TNRC6C: variants seen among roughly 807,000 people sequenced by gnomAD.
The protein encoded by TNRC6C is trinucleotide repeat containing adaptor 6C, also known as trinucleotide repeat-containing gene 6C protein.
TNRC6C carries 20 observed loss-of-function variants against 153.7 expected under a neutral mutation model. The observed-to-expected ratio is 0.13, with a 90% CI of 0.09 to 0.19. TNRC6C has a LOEUF of 0.19. Ranked by LOEUF, TNRC6C falls within the 10% of genes least tolerant of loss-of-function variation. The probability of loss-of-function intolerance (pLI) is 1.00; values close to 1 mark genes in which losing one functional copy is unlikely to be tolerated. For missense variants in TNRC6C, 1,987 were observed against 2,172.0 expected (o/e 0.91, Z 1.69); for synonymous variants, 811 against 841.4 (o/e 0.96, Z 0.63).
At chr17:78,040,811 G>A (rs191612102) in intron 2 of TNRC6C, among the ~76,000 whole-genome samples, 18 of 152,320 alleles carry the variant, frequency 1.2e-4, no homozygotes, top group African/African-American at 4.3e-4. Context: ...GATAATCAAA[G>A]CTGTAAAATC....
intron 1 of TNRC6C, among the ~76,000 whole-genome samples, chr17:77,966,225 A>G (rs375323490): frequency 2.4e-4 from 36 of 152,218 alleles, no homozygotes; most frequent in Non-Finnish European, 1.9e-4. Context: ...TGTGTTGGCA[A>G]TAAGGTTTAG....
At chr17:78,073,809 A>G (rs530276054) in intron 7 of TNRC6C, among the ~76,000 whole-genome samples, 2 of 152,184 alleles carry the variant, frequency 1.3e-5, no homozygotes, top group South Asian at 2.1e-4. Flanking sequence ...AGGGTGTAAC[A>G]TTTTTCTGAC....
chr17:78,093,714 C>G, exon 16 of TNRC6C: 2 of 1,613,918 alleles, frequency 1.2e-6, no homozygotes, highest in Middle Eastern at 1.6e-4. Flanking sequence ...CTGGGCCTAC[C>G]ATCAACACCA....
At chr17:78,041,118 G>GT (rs2072284795) in intron 2 of TNRC6C, 1 of 152,348 alleles carries the variant, frequency 6.6e-6, no homozygotes, top group Non-Finnish European at 1.5e-5. Context: ...CCGTCTGCAG[G>GT]TATTTCCTCA....
At chr17:78,069,959 C>A (rs1319027213) in intron 5 of TNRC6C, among the ~76,000 whole-genome samples, 1 of 152,168 alleles carries the variant, frequency 6.6e-6, no homozygotes, top group Non-Finnish European at 1.5e-5. Context: ...TTCGAGAGAA[C>A]AGGAACTAAG....
At chr17:77,994,462 A>ATGGCTCCTGAAAC (rs2071297772) in intron 1 of TNRC6C, among the ~76,000 whole-genome samples, 1 of 152,188 alleles carries the variant, frequency 6.6e-6, no homozygotes, top group Admixed American at 6.5e-5. Context: ...AGTTAGTTTA[A>ATGGCTCCTGAAAC]TGGCTCCTGA....
At chr17:78,032,039 A>ACAATATT (rs2072086131) in intron 2 of TNRC6C, among the ~76,000 whole-genome samples, 197 bp downstream of exon 4, 1 of 152,192 alleles carries the variant, frequency 6.6e-6, no homozygotes, top group Non-Finnish European at 1.5e-5. Flanking sequence ...ATTGGTCATG[A>ACAATATT]GTTTGCAGAT....
chr17:77,973,455 A>G (rs1400326147), intron 1 of TNRC6C, among the ~76,000 whole-genome samples: 2 of 152,256 alleles, frequency 1.3e-5, no homozygotes, highest in Non-Finnish European at 2.9e-5. Flanking sequence ...TATCAGTTCA[A>G]TGCTATTCAG....
intron 5 of TNRC6C, among the ~76,000 whole-genome samples, chr17:78,070,170 T>G (rs920212597): frequency 1.3e-5 from 2 of 152,240 alleles, no homozygotes; most frequent in South Asian, 2.1e-4. Context: ...CTTTTTACAG[T>G]TGGGCTGGCA....
Position 78,071,246 on chromosome 17 carries a change from ATG to A in TNRC6C, c.2859+87_2859+88del, listed in dbSNP as rs1450668049. 4 of 1,381,436 alleles carry A rather than the reference ATG, an allele frequency of 2.9e-6. No individual in the cohort carries two copies. In the African/African-American group the frequency reaches 4.3e-5, roughly 15 times the overall value. 85.6% of individuals were successfully genotyped at this position (1,381,436 alleles called of 1,614,324 possible). On this transcript the variant is annotated intron_variant, in intron 6 of 19. Transcript: ENST00000301624. Reference sequence around the variant, plus strand: ...TCATTGTTTCCTCTCCATGTTTGTTATGTGTGTCAGAAGACACCAAGATTGTT... The same window carrying A: ...TCATTGTTTCCTCTCCATGTTTGTTATGTGTCAGAAGACACCAAGATTGTT...
exon 20 of TNRC6C, chr17:78,105,938 A>T (rs554986724): frequency 6.6e-6 from 1 of 152,266 alleles, no homozygotes; most frequent in South Asian, 2.1e-4. Flanking sequence ...TACAGTGTAT[A>T]TCTCTGGAGA....
chr17:78,090,259 A>C (rs1441696027), intron 13 of TNRC6C, among the ~76,000 whole-genome samples: 2 of 152,194 alleles, frequency 1.3e-5, no homozygotes, highest in South Asian at 2.1e-4. Flanking sequence ...GGTTGGCCCC[A>C]GTAGCACCTG....
At chr17:78,064,381 G>T (rs1396636847) in intron 3 of TNRC6C, among the ~76,000 whole-genome samples, 1 of 152,136 alleles carries the variant, frequency 6.6e-6, no homozygotes, top group Non-Finnish European at 1.5e-5. Context: ...ATGAGCCACC[G>T]CATCTGACCA....
chr17:78,027,881 C>G (rs1257527754), intron 1 of TNRC6C, among the ~76,000 whole-genome samples: 1 of 150,138 alleles, frequency 6.7e-6, no homozygotes, highest in African/African-American at 2.5e-5. Flanking sequence ...ACTCATATAT[C>G]TGTAGTGACA....
At chr17:78,093,235 C>T (rs557318847) in intron 15 of TNRC6C, 111 bp downstream of exon 17, 8 of 1,207,626 alleles carry the variant, frequency 6.6e-6, no homozygotes, top group African/African-American at 6.1e-5. Flanking sequence ...GATCTGGAAG[C>T]GTTAAGCCCA....
intron 1 of TNRC6C, among the ~76,000 whole-genome samples, chr17:77,978,864 GAA>G (rs912617532): frequency 1.5e-4 from 23 of 152,226 alleles, no homozygotes; most frequent in African/African-American, 5.3e-4. Context: ...ACTTAGTTTT[GAA>G]TTGGCTGAAA....
chr17:77,983,569 G>A (rs1462989951), intron 1 of TNRC6C, among the ~76,000 whole-genome samples: 1 of 152,156 alleles, frequency 6.6e-6, no homozygotes, highest in Non-Finnish European at 1.5e-5. Context: ...AGGAATGAAG[G>A]TTTAGGTCAC....
chr17:78,069,546 A>G (rs770208576), intron 5 of TNRC6C, among the ~76,000 whole-genome samples: 24 of 152,104 alleles, frequency 1.6e-4, no homozygotes, highest in African/African-American at 4.6e-4. Flanking sequence ...ACTCTGCCCA[A>G]CTAATTTTAT....
At chr17:78,043,178 A>C (rs1043498131) in intron 2 of TNRC6C, among the ~76,000 whole-genome samples, 9 of 152,230 alleles carry the variant, frequency 5.9e-5, no homozygotes, top group Non-Finnish European at 1.2e-4. Context: ...ATGGTAGCCA[A>C]AGGTGGAATG....
Sources: allele counts gnomAD v4.1 joint callset (sites outside exome capture counted in the v4.1 genomes callset), GRCh38; gene constraint gnomAD v4.1.1; transcripts MANE v1.5; gene names NCBI Gene and HGNC (gene_info 2026-07-23, HGNC 2026-07-21).